Variants in SLC26A7 observed in about 807,000 individuals in gnomAD.
SLC26A7 encodes anion exchange transporter.
SLC26A7 carries 59 observed loss-of-function variants against 82.5 expected under a neutral mutation model. That is an observed-to-expected ratio of 0.72 (90% CI 0.58 to 0.89). SLC26A7 has a LOEUF of 0.89. Ranked by LOEUF, SLC26A7 falls within the 40% of genes least tolerant of loss-of-function variation. The probability of loss-of-function intolerance (pLI) is 0.00; values close to 1 mark genes in which losing one functional copy is unlikely to be tolerated. For missense variants in SLC26A7, 820 were observed against 793.0 expected (o/e 1.03, Z -0.41); for synonymous variants, 271 against 274.3 (o/e 0.99, Z 0.12).
At chr8:91,224,530 G>C (rs1251583382) in intron 2 of SLC26A7, among the ~76,000 whole-genome samples, 4 of 152,148 alleles carry the variant, frequency 2.6e-5, no homozygotes, top group Admixed American at 6.5e-5. Flanking sequence ...ACTCAAGGAG[G>C]CTGGACAGCA....
upstream of SLC26A7, among the ~76,000 whole-genome samples, chr8:91,245,814 C>T (rs913514961): frequency 4.5e-4 from 69 of 152,288 alleles, no homozygotes; most frequent in African/African-American, 1.5e-3. Flanking sequence ...TGTTTCTTCA[C>T]TTGAGCCTGG....
chr8:91,292,916 T>TTTA (rs1401308991), intron 3 of SLC26A7, among the ~76,000 whole-genome samples: 4 of 152,198 alleles, frequency 2.6e-5, no homozygotes, highest in Non-Finnish European at 5.9e-5. Flanking sequence ...GGGAAATTTA[T>TTTA]TTAAAGAGCA....
chr8:91,369,692 T>C, intron 14 of SLC26A7, 93 bp from the exon 15 acceptor site: 1 of 930,298 alleles, frequency 1.1e-6, no homozygotes. Context: ...AGTTTTTTTG[T>C]TATTCTTTAT....
chr8:91,275,994 T>G (rs1000863729), intron 2 of SLC26A7, among the ~76,000 whole-genome samples: 1 of 152,166 alleles, frequency 6.6e-6, no homozygotes, highest in African/African-American at 2.4e-5. Flanking sequence ...TCTCTGAAAA[T>G]AACTGGATTA....
At chr8:91,388,526 A>G (rs1322928071) in intron 15 of SLC26A7, among the ~76,000 whole-genome samples, 2 of 152,180 alleles carry the variant, frequency 1.3e-5, no homozygotes, top group Non-Finnish European at 2.9e-5. Flanking sequence ...TTTTTCAGAG[A>G]ATTTCATAAT....
chr8:91,220,978 C>T (rs561672864), intron 2 of SLC26A7, among the ~76,000 whole-genome samples: 11 of 151,882 alleles, frequency 7.2e-5, no homozygotes, highest in African/African-American at 9.7e-5. Flanking sequence ...AACAGTGGAA[C>T]GCTCACCAAC....
At chr8:91,313,235 A>G (rs869166298) in intron 4 of SLC26A7, among the ~76,000 whole-genome samples, 1 of 152,302 alleles carries the variant, frequency 6.6e-6, no homozygotes, top group Non-Finnish European at 1.5e-5. Flanking sequence ...CCATTTGTTG[A>G]AAAGACTGTC....
intron 2 of SLC26A7, among the ~76,000 whole-genome samples, chr8:91,233,035 C>G (rs977092364): frequency 6.6e-6 from 1 of 152,080 alleles, no homozygotes; most frequent in African/African-American, 2.4e-5. Flanking sequence ...GTGGAGAATG[C>G]CTTGGGTTTT....
intron 13 of SLC26A7, among the ~76,000 whole-genome samples, chr8:91,364,140 G>A (rs1415449151): frequency 6.6e-6 from 1 of 152,114 alleles, no homozygotes; most frequent in Non-Finnish European, 1.5e-5. Flanking sequence ...GTAGTTTGTT[G>A]TTCTAAGGGA....
intron 15 of SLC26A7, among the ~76,000 whole-genome samples, chr8:91,383,714 G>A (rs186460349): frequency 5.9e-5 from 9 of 152,210 alleles, no homozygotes; most frequent in African/African-American, 1.9e-4. Flanking sequence ...ATGTCAATAC[G>A]AAGAGGCACT....
chr8:91,224,596 C>T (rs953280745), intron 2 of SLC26A7, among the ~76,000 whole-genome samples: 6 of 152,184 alleles, frequency 3.9e-5, no homozygotes, highest in African/African-American at 1.4e-4. Flanking sequence ...GAGGCCCCAA[C>T]CCCTGATGCC....
chr8:91,213,474 A>G (rs1400206272), intron 1 of SLC26A7, among the ~76,000 whole-genome samples: 1 of 152,216 alleles, frequency 6.6e-6, no homozygotes, highest in South Asian at 2.1e-4. Context: ...GTGATAAATT[A>G]TATTTAGTCA....
At chr8:91,325,800 T>C (rs1295428885) in intron 5 of SLC26A7, among the ~76,000 whole-genome samples, 1 of 152,172 alleles carries the variant, frequency 6.6e-6, no homozygotes, top group Non-Finnish European at 1.5e-5. Flanking sequence ...GAGATAGTCA[T>C]TGGTAAAATG....
chr8:91,318,575 A>G (rs1219927639), intron 5 of SLC26A7, among the ~76,000 whole-genome samples, 195 bp downstream of exon 5: 2 of 152,132 alleles, frequency 1.3e-5, no homozygotes, highest in Admixed American at 6.6e-5. Context: ...TTTGGAAATG[A>G]TTCCTTGTAA....
At chr8:91,374,590 G>T (rs568625718) in intron 15 of SLC26A7, among the ~76,000 whole-genome samples, 2 of 152,050 alleles carry the variant, frequency 1.3e-5, no homozygotes, top group East Asian at 1.9e-4. Context: ...ATTCCAAAAA[G>T]ATGCTTGATA....
At chr8:91,228,153 TC>T (rs1264470125) in intron 2 of SLC26A7, among the ~76,000 whole-genome samples, 4 of 152,194 alleles carry the variant, frequency 2.6e-5, no homozygotes, top group Non-Finnish European at 5.9e-5. Context: ...GGTCCTTGTC[TC>T]ATTAGAGTCA....
chr8:91,222,943 G>T (rs1483226949), intron 2 of SLC26A7, among the ~76,000 whole-genome samples: 1 of 152,192 alleles, frequency 6.6e-6, no homozygotes, highest in Non-Finnish European at 1.5e-5. Flanking sequence ...GTAGAATTCA[G>T]CTGTGAATCC....
intron 2 of SLC26A7, among the ~76,000 whole-genome samples, chr8:91,272,087 CT>C (rs985997714): frequency 2.6e-5 from 4 of 152,132 alleles, no homozygotes; most frequent in African/African-American, 9.7e-5. Context: ...CTGTAATGAA[CT>C]TCTTAGTTTG....
At chr8:91,282,255 G>T (rs1811593966) in intron 2 of SLC26A7, among the ~76,000 whole-genome samples, 1 of 152,156 alleles carries the variant, frequency 6.6e-6, no homozygotes, top group South Asian at 2.1e-4. Context: ...GCAGAGGCCA[G>T]TCAGCTGAGG....
Sources: allele counts gnomAD v4.1 joint callset (sites outside exome capture counted in the v4.1 genomes callset), GRCh38; gene constraint gnomAD v4.1.1; transcripts MANE v1.5; gene names NCBI Gene and HGNC (gene_info 2026-07-23, HGNC 2026-07-21).